Variants in STAT4 observed in about 807,000 individuals in gnomAD.
The protein encoded by STAT4 is signal transducer and activator of transcription 4.
A neutral mutation model predicts 110.5 loss-of-function variants in STAT4; 42 were observed. That is an observed-to-expected ratio of 0.38 (90% CI 0.30 to 0.49). STAT4 has a LOEUF of 0.49. Among genes scored for constraint, STAT4 ranks in the 20% least tolerant of loss-of-function variants. The pLI is 0.95. For synonymous variants in STAT4, 284 were observed against 302.2 expected (o/e 0.94, Z 0.63); for missense variants, 632 against 887.9 (o/e 0.71, Z 3.66).
Position 191,099,017 on chromosome 2 carries a change from C to T in STAT4, c.274-22692G>A, listed in dbSNP as rs1233215391. The stretch of plus-strand genomic sequence containing the variant: ...TAATATTTTTAATGTAGATAAGAGC[C>T]CTTTGAAATTGATTTAAAATGCCTG... On this transcript the variant is annotated intron_variant, in intron 3 of 23. Coordinates refer to ENST00000392320, the MANE Select transcript of STAT4 (RefSeq NM_003151.4). This position sits in a 1 kb window ranked among gnomAD's most constrained non-coding sequence, Gnocchi z 4.1. Among the ~76,000 whole-genome samples, 1 of 150,712 alleles carries T rather than the reference C, an allele frequency of 6.6e-6. No homozygotes were observed. The highest frequency in any genetic ancestry group is 2.4e-5 in the African/African-American group (1 of 41,034).
At position 191,030,923 on chromosome 2, in the gene STAT4, C is replaced by T; in HGVS notation, c.2220+49G>A. On this transcript the variant is annotated intron_variant, in intron 23 of 23. Transcript: ENST00000392320. This position sits in a 1 kb window ranked among gnomAD's most constrained non-coding sequence, Gnocchi z 4.4. ...CCCTTTGATTCACACACCACCTTTGCATCGTTGGAAACACCTTTGACCAGC... is the reference window on the plus strand; with the variant it reads ...CCCTTTGATTCACACACCACCTTTGTATCGTTGGAAACACCTTTGACCAGC... The T allele has an allele frequency of 1.3e-6, 2 of 1,553,404 alleles. No individual in the cohort carries two copies. The highest frequency in any genetic ancestry group is 1.8e-6 in the Non-Finnish European group (2 of 1,125,672).
In STAT4 at chr2:191,030,989, T is replaced by C. The variant is rs1430375004; in HGVS notation, c.2203A>G (p.Thr735Ala). The change falls in exon 23 of 24, where the codon ACA (threonine) becomes GCA (alanine). Residue 735 changes from threonine to alanine, a missense_variant. This residue lies in a region of STAT4 where 32 missense variants were observed against 67.6 expected (regional missense o/e 0.47). Transcript: ENST00000392320. The surrounding 1 kb of genome is among the most constrained non-coding windows in gnomAD (Gnocchi z 4.4). ...YAVLRENLSP[T>A]TIETAMKSPY... ...GAACATACTGCAGTTTCAATTGTTG[T>C]GGGACTCAGGTTTTCTCTCAACACC... is the stretch of plus-strand genomic sequence containing the variant. 36 of 1,613,798 alleles carry C rather than the reference T, an allele frequency of 2.2e-5. No individual in the cohort carries two copies. Among genetic ancestry groups the C allele is most frequent in the Non-Finnish European group, 2.8e-5 (33 of 1,179,802 alleles).
Position 191,069,768 on chromosome 2 carries a change from T to A in STAT4, c.469A>T (p.Thr157Ser). 1 of 1,607,394 alleles carries A rather than the reference T, an allele frequency of 6.2e-7. No homozygotes were observed. Among genetic ancestry groups the A allele is most frequent in the Non-Finnish European group, 8.5e-7 (1 of 1,177,190 alleles). ...VAAIKNSVQM[T>S]EQDTKYLEDL... Reference sequence around the variant, plus strand: ...TCTAAGTATTTGGTATCTTGTTCTGTCATCTTTTCACAAAAGAAAACATAC... The same window carrying A: ...TCTAAGTATTTGGTATCTTGTTCTGACATCTTTTCACAAAAGAAAACATAC... Residue 157 changes from threonine (T) to serine (S), a missense_variant, in exon 6 of 24, where the codon ACA becomes TCA. Thr to Ser is a moderately conservative substitution (Grantham distance 58). This residue lies in a region of STAT4 where 488 missense variants were observed against 632.8 expected (regional missense o/e 0.77). Transcript: ENST00000392320.
intron 3 of STAT4, among the ~76,000 whole-genome samples, chr2:191,111,666 A>G (rs1698427327): frequency 6.6e-6 from 1 of 152,228 alleles, no homozygotes; most frequent in East Asian, 1.9e-4. Flanking sequence ...CAGCCTGGGC[A>G]ACATAGTAAG....
intron 3 of STAT4, among the ~76,000 whole-genome samples, chr2:191,127,248 C>T (rs1047698556): frequency 6.6e-6 from 1 of 152,052 alleles, no homozygotes; most frequent in Admixed American, 6.6e-5. Flanking sequence ...ATATTGAAAC[C>T]TTTGATGGTT....
At chr2:191,149,928 T>C (rs1699550741) in intron 1 of STAT4, among the ~76,000 whole-genome samples, 1 of 152,218 alleles carries the variant, frequency 6.6e-6, no homozygotes, top group African/African-American at 2.4e-5. Context: ...GTTCTAGTGC[T>C]GTAACACTAG....
At chr2:191,128,981 C>G (rs1698957729) in intron 3 of STAT4, among the ~76,000 whole-genome samples, 1 of 152,154 alleles carries the variant, frequency 6.6e-6, no homozygotes. Context: ...TACCTCCTAA[C>G]TGAAAGGCTG....
chr2:191,086,447 T>TA lies in STAT4; in HGVS notation c.274-10123dup, dbSNP rs1173215555. On this transcript the variant is annotated intron_variant, in intron 3 of 23. Transcript: ENST00000392320. The surrounding 1 kb of genome is among the most constrained non-coding windows in gnomAD (Gnocchi z 5.5). ...ATAAAAGTTCCAGCAAAGCTAATTT[T>TA]AAAAAGAGCCTGTATAGCAAATAAT... 6.6e-6 allele frequency among the ~76,000 whole-genome samples: 1 copy of TA among 152,170 alleles called. No homozygotes were observed. The highest frequency in any genetic ancestry group is 1.9e-4 in the East Asian group (1 of 5,200).
intron 1 of STAT4, among the ~76,000 whole-genome samples, chr2:191,149,216 T>C (rs749168515): frequency 6.6e-6 from 1 of 152,196 alleles, no homozygotes; most frequent in African/African-American, 2.4e-5. Context: ...ACATATCTCA[T>C]AGATAGGCTA....
intron 4 of STAT4, among the ~76,000 whole-genome samples, chr2:191,073,738 T>C (rs780984651): frequency 6.6e-6 from 1 of 152,138 alleles, no homozygotes; most frequent in Non-Finnish European, 1.5e-5. Flanking sequence ...TATAAACATA[T>C]ATATATGATC....
chr2:191,061,827 T>C lies in STAT4; in HGVS notation c.942-6A>G. On this transcript the variant is annotated splice_region_variant and splice_polypyrimidine_tract_variant and intron_variant, in intron 9 of 23. Transcript: ENST00000392320. This position sits in a 1 kb window ranked among gnomAD's most constrained non-coding sequence, Gnocchi z 6.2. The stretch of plus-strand genomic sequence containing the variant: ...GTCGCTCAACCACAAATGAGCTAGA[T>C]GAAAAGGAAATAAAGCGCATCATTT... The C allele has an allele frequency of 6.2e-7, 1 of 1,610,504 alleles. No individual in the cohort carries two copies. The highest frequency in any genetic ancestry group is 8.5e-7 in the Non-Finnish European group (1 of 1,178,644).
At position 191,150,864 on chromosome 2, in the gene STAT4, G is replaced by C; in HGVS notation, c.-2+83C>G. 3.1e-6 allele frequency: 3 copies of C among 966,704 alleles called. No individual in the cohort carries two copies. Among genetic ancestry groups the C allele is most frequent in the Non-Finnish European group, 3.7e-6 (3 of 812,984 alleles). The allele number at this position is 966,704 out of a possible 1,614,324, so 59.9% of individuals were successfully genotyped here. A position where few individuals can be genotyped will look rare whatever the true frequency, so the allele number is the denominator to read the frequency against. ...TGAAGCAATTGTCAAAACGCCAAGG[G>C]AAAGCAAAGCTTCAGAGTATCCTGC... On this transcript the variant is annotated intron_variant, in intron 1 of 23. Coordinates refer to ENST00000392320, the MANE Select transcript of STAT4 (RefSeq NM_003151.4). This position sits in a 1 kb window ranked among gnomAD's most constrained non-coding sequence, Gnocchi z 6.4.
chr2:191,134,156 C>T (rs1199573413), intron 3 of STAT4, among the ~76,000 whole-genome samples: 1 of 152,238 alleles, frequency 6.6e-6, no homozygotes, highest in Non-Finnish European at 1.5e-5. Context: ...ACAACCACAG[C>T]TGGCACCCAC....
intron 16 of STAT4, among the ~76,000 whole-genome samples, 192 bp from the exon 17 acceptor site, chr2:191,036,491 A>C (rs557029902): frequency 1.3e-5 from 2 of 152,290 alleles, no homozygotes; most frequent in African/African-American, 4.8e-5. Flanking sequence ...CCAGGGAACA[A>C]GCGTGTCCTA....
In STAT4 at chr2:191,142,228, T is replaced by TAC. The variant is rs796654974; in HGVS notation, c.273+4383_273+4384dup. Among the ~76,000 whole-genome samples, 10 of 148,906 alleles carry TAC rather than the reference T, an allele frequency of 6.7e-5. No individual in the cohort carries two copies. Among genetic ancestry groups the TAC allele is most frequent in the African/African-American group, 2.0e-4 (8 of 40,104 alleles). On this transcript the variant is annotated intron_variant, in intron 3 of 23. Transcript: ENST00000392320. This position sits in a 1 kb window ranked among gnomAD's most constrained non-coding sequence, Gnocchi z 4.1. ...AATAAAGAAAATAGATATATATATA[T>TAC]ACACACACACACACATGCATACACA...
At position 191,147,204 on chromosome 2, in the gene STAT4, A is replaced by G. The variant is rs998937179; in HGVS notation, c.129-447T>C. Among the ~76,000 whole-genome samples, 7 of 152,238 alleles carry G rather than the reference A, an allele frequency of 4.6e-5. No individual in the cohort carries two copies. The highest frequency in any genetic ancestry group is 2.0e-4 in the Admixed American group (3 of 15,288). Reference sequence around the variant, plus strand: ...GACTCAAACAGATATTTGCATACCAATGTTCCTAGCAGGGTTATTAGCAAT... The same window carrying G: ...GACTCAAACAGATATTTGCATACCAGTGTTCCTAGCAGGGTTATTAGCAAT... On this transcript the variant is annotated intron_variant, in intron 2 of 23. Coordinates refer to ENST00000392320, the MANE Select transcript of STAT4 (RefSeq NM_003151.4). The surrounding 1 kb of genome is among the most constrained non-coding windows in gnomAD (Gnocchi z 4.1).
chr2:191,150,545 C>T lies in STAT4; in HGVS notation c.-2+402G>A, dbSNP rs905389811. On this transcript the variant is annotated intron_variant, in intron 1 of 23. Transcript: ENST00000392320. This position sits in a 1 kb window ranked among gnomAD's most constrained non-coding sequence, Gnocchi z 6.4. ...CTCGCGCCCATCAAAGCCACAGTCA[C>T]CGGCTGCCGTAGCTGCAAGCTTTTT... Among the ~76,000 whole-genome samples the T allele has an allele frequency of 3.9e-5, 6 of 152,216 alleles. 1 individual carries two copies. The East Asian group carries it at 7.7e-4, about 20-fold the overall frequency.
intron 6 of STAT4, among the ~76,000 whole-genome samples, chr2:191,069,135 G>A (rs1033162915): frequency 1.3e-5 from 2 of 151,956 alleles, no homozygotes; most frequent in African/African-American, 4.8e-5. Flanking sequence ...GTATGTGTGT[G>A]AACATACAGA....
Position 191,030,958 on chromosome 2 carries a change from TA to T in STAT4, c.2220+13del, listed in dbSNP as rs1695874875. On this transcript the variant is annotated intron_variant, in intron 23 of 23. Transcript: ENST00000392320. This position sits in a 1 kb window ranked among gnomAD's most constrained non-coding sequence, Gnocchi z 4.4. ...AACACCTTTGACCAGCAATGGAAAA[TA>T]AAGGGAACATACTGCAGTTTCAATT... 1 of 1,610,626 alleles carries T rather than the reference TA, an allele frequency of 6.2e-7. No individual in the cohort carries two copies. Among genetic ancestry groups the T allele is most frequent in the Non-Finnish European group, 8.5e-7 (1 of 1,177,098 alleles).
Sources: gnomAD v4.1 joint callset for allele counts (sites outside exome capture counted in the v4.1 genomes callset) on GRCh38, gnomAD v4.1.1 for gene constraint, gnomAD v4.1.1 regional missense constraint, Gnocchi (gnomAD v3.1) non-coding constraint, MANE v1.5 for transcripts, NCBI Gene and HGNC (gene_info 2026-07-23, HGNC 2026-07-21) for gene names.